GRIK1: variants seen among roughly 807,000 people sequenced by gnomAD.
The protein encoded by GRIK1 is glutamate ionotropic receptor kainate type subunit 1.
A neutral mutation model predicts 105.7 loss-of-function variants in GRIK1; 69 were observed. The observed-to-expected ratio is 0.65, with a 90% CI of 0.54 to 0.80. The LOEUF is 0.80. Among genes scored for constraint, GRIK1 ranks in the 30% least tolerant of loss-of-function variants. The probability of loss-of-function intolerance (pLI) is 0.00; values close to 1 mark genes in which losing one functional copy is unlikely to be tolerated. For synonymous variants in GRIK1, 438 were observed against 431.3 expected (o/e 1.02, Z -0.19); for missense variants, 1,109 against 1,167.3 (o/e 0.95, Z 0.73).
intron 11 of GRIK1, 49 bp downstream of exon 11, chr21:29,588,786 TCTTA>T (rs1290924841): frequency 1.1e-5 from 11 of 959,310 alleles, no homozygotes; most frequent in Middle Eastern, 2.1e-4. Context: ...TTTTTTCCTC[TCTTA>T]CTTTCTCTTA....
In GRIK1 at chr21:29,806,192, A is replaced by G. The variant is rs1601744720; in HGVS notation, c.119-112129T>C. ...TCTGTTGCATCAAAATTTTACACAAAATGAATCTATAATCTGCTATCATAT... is the reference window on the plus strand; with the variant it reads ...TCTGTTGCATCAAAATTTTACACAAGATGAATCTATAATCTGCTATCATAT... On this transcript the variant is annotated intron_variant, in intron 1 of 17. Coordinates refer to ENST00000327783, the MANE Select transcript of GRIK1 (RefSeq NM_001330994.2). Among the ~76,000 whole-genome samples, 3 of 152,204 alleles carry G rather than the reference A, an allele frequency of 2.0e-5. No individual in the cohort carries two copies. The East Asian group carries it at 5.8e-4, about 29-fold the overall frequency.
chr21:29,765,169 T>C (rs1277172020), intron 1 of GRIK1, among the ~76,000 whole-genome samples: 1 of 152,216 alleles, frequency 6.6e-6, no homozygotes, highest in East Asian at 1.9e-4. Context: ...TAGTCTAATA[T>C]AGTGCCAAGA....
chr21:29,629,220 G>A (rs996504988), intron 7 of GRIK1, among the ~76,000 whole-genome samples: 2 of 113,570 alleles, frequency 1.8e-5, no homozygotes, highest in African/African-American at 7.9e-5. Flanking sequence ...GTGTGTGTGT[G>A]TGTGTGTGTG....
chr21:29,640,653 G>A (rs363599), intron 7 of GRIK1, among the ~76,000 whole-genome samples: 11,715 of 152,088 alleles, frequency 0.077, 958 homozygotes, highest in African/African-American at 0.2. Context: ...CTTCTTATGC[G>A]ACTTAAGTAC....
chr21:29,713,205 TA>T (rs3216549), intron 1 of GRIK1, among the ~76,000 whole-genome samples: 15,481 of 150,406 alleles, frequency 0.1, 1,274 homozygotes, highest in African/African-American at 0.22. Flanking sequence ...AGCAGAGATC[TA>T]AAAAAAAAAT....
chr21:29,872,177 T>C (rs1048474984), intron 1 of GRIK1, among the ~76,000 whole-genome samples: 2 of 150,994 alleles, frequency 1.3e-5, no homozygotes, highest in Admixed American at 6.6e-5. Flanking sequence ...AATTAAAATA[T>C]GCACGCTCTC....
At chr21:29,665,695 C>T (rs1172242492) in intron 4 of GRIK1, among the ~76,000 whole-genome samples, 1 of 152,204 alleles carries the variant, frequency 6.6e-6, no homozygotes, top group Non-Finnish European at 1.5e-5. Flanking sequence ...TATTAGCAAG[C>T]TTTGATAATT....
intron 1 of GRIK1, among the ~76,000 whole-genome samples, chr21:29,938,009 T>G (rs1260452453): frequency 6.6e-6 from 1 of 152,192 alleles, no homozygotes; most frequent in African/African-American, 2.4e-5. Flanking sequence ...AAAACATGTG[T>G]GTAGTAAAAG....
At chr21:29,695,071 A>G (rs544170826) in intron 1 of GRIK1, among the ~76,000 whole-genome samples, 4 of 152,228 alleles carry the variant, frequency 2.6e-5, no homozygotes, top group African/African-American at 9.6e-5. Context: ...TCACTGAGCA[A>G]GTGCACATGT....
intron 7 of GRIK1, among the ~76,000 whole-genome samples, chr21:29,602,885 T>C (rs2061544098): frequency 6.6e-6 from 1 of 152,150 alleles, no homozygotes. Flanking sequence ...TCATTTGATA[T>C]CTCTTTTATA....
At chr21:29,935,181 T>C (rs557747199) in intron 1 of GRIK1, among the ~76,000 whole-genome samples, 1 of 152,334 alleles carries the variant, frequency 6.6e-6, no homozygotes, top group East Asian at 1.9e-4. Context: ...AAGTTGACTA[T>C]GCAACTGATG....
At chr21:29,537,668 ATAACT>A (rs2089901850) in intron 17 of GRIK1, 125 bp downstream of exon 17, 1 of 756,696 alleles carries the variant, frequency 1.3e-6, no homozygotes, top group East Asian at 2.4e-5. Context: ...CTCAAAATAG[ATAACT>A]TACCTTTGCT....
chr21:29,584,183 A>C (rs1217701817), intron 12 of GRIK1, among the ~76,000 whole-genome samples: 1 of 152,182 alleles, frequency 6.6e-6, no homozygotes, highest in Non-Finnish European at 1.5e-5. Flanking sequence ...CTGAGAATGC[A>C]CAGTAGGCTG....
chr21:29,815,480 G>T (rs566561641), intron 1 of GRIK1, among the ~76,000 whole-genome samples: 4 of 152,244 alleles, frequency 2.6e-5, no homozygotes, highest in African/African-American at 7.2e-5. Context: ...TAGGGAGGTG[G>T]CAGGATACTG....
At chr21:29,823,337 T>C (rs2067357116) in intron 1 of GRIK1, among the ~76,000 whole-genome samples, 1 of 151,968 alleles carries the variant, frequency 6.6e-6, no homozygotes, top group African/African-American at 2.4e-5. Flanking sequence ...GTAAAGATAG[T>C]ATGAGGGGAG....
At chr21:29,885,293 G>T (rs2069570820) in intron 1 of GRIK1, among the ~76,000 whole-genome samples, 1 of 152,024 alleles carries the variant, frequency 6.6e-6, no homozygotes, top group Non-Finnish European at 1.5e-5. Flanking sequence ...CTAAGCCTTT[G>T]CTAGATGGTT....
At chr21:29,802,204 C>T (rs2066730722) in intron 1 of GRIK1, among the ~76,000 whole-genome samples, 1 of 152,174 alleles carries the variant, frequency 6.6e-6, no homozygotes, top group African/African-American at 2.4e-5. Context: ...TCAGAGCTCT[C>T]AGTTTTTCTT....
chr21:29,670,513 C>A (rs757029523), intron 4 of GRIK1, among the ~76,000 whole-genome samples: 9 of 152,226 alleles, frequency 5.9e-5, no homozygotes, highest in Non-Finnish European at 1.3e-4. Context: ...AAGAGAAAAT[C>A]TAGCAGCCCT....
chr21:29,839,222 G>A (rs1164517015), intron 1 of GRIK1, among the ~76,000 whole-genome samples: 1 of 151,862 alleles, frequency 6.6e-6, no homozygotes, highest in African/African-American at 2.4e-5. Context: ...GCTAATTTTT[G>A]TATTTCTAGT....
Sources: allele counts gnomAD v4.1 joint callset (sites outside exome capture counted in the v4.1 genomes callset), GRCh38; gene constraint gnomAD v4.1.1; transcripts MANE v1.5; gene names NCBI Gene and HGNC (gene_info 2026-07-23, HGNC 2026-07-21).